BCAS1: variants seen among roughly 807,000 people sequenced by gnomAD.
BCAS1 encodes the protein brain enriched myelin associated protein 1.
In BCAS1, 46 loss-of-function variants were observed where a neutral mutation model predicts 65.4. The observed-to-expected ratio is 0.70, with a 90% CI of 0.55 to 0.90. The LOEUF (loss-of-function observed/expected upper bound fraction) is 0.90. BCAS1 is among the 40% of genes least tolerant of loss of function. The pLI is 0.00. For missense variants in BCAS1, 793 were observed against 771.2 expected, an observed-to-expected ratio of 1.03 and a Z score of -0.33; for synonymous variants, 298 against 293.5, an observed-to-expected ratio of 1.02 and a Z score of -0.16.
intron 4 of BCAS1, among the ~76,000 whole-genome samples, chr20:54,018,829 C>T (rs552332586): frequency 3.3e-5 from 5 of 152,240 alleles, no homozygotes; most frequent in Admixed American, 6.5e-5. Context: ...AGTGTTATGA[C>T]GAAGGACAAC....
At chr20:53,985,561 A>G in intron 7 of BCAS1, 62 bp from the exon 8 acceptor site, 1 of 1,463,350 alleles carries the variant, frequency 6.8e-7, no homozygotes, top group Non-Finnish European at 9.5e-7. Flanking sequence ...TTAAAAATGG[A>G]AGATCTCTTT....
intron 4 of BCAS1, among the ~76,000 whole-genome samples, chr20:54,013,930 C>T (rs1015542442): frequency 3.9e-5 from 6 of 152,214 alleles, no homozygotes; most frequent in African/African-American, 1.4e-4. Context: ...ATTAAAAATA[C>T]AAACAGCAAT....
chr20:53,992,512 CT>C lies in BCAS1; in HGVS notation c.1061del (p.Lys354ArgfsTer44), dbSNP rs765699851. 7.3e-7 allele frequency: 1 copy of C among 1,365,722 alleles called. No individual in the cohort carries two copies. Among genetic ancestry groups the C allele is most frequent in the Non-Finnish European group, 9.8e-7 (1 of 1,021,710 alleles). 84.6% of individuals were successfully genotyped at this position (1,365,722 alleles called of 1,614,324 possible). A position where few individuals can be genotyped will look rare whatever the true frequency, so the allele number is the denominator to read the frequency against. ...GLAFRKFFRH[K>X]GAEKSPTTSA... The stretch of plus-strand genomic sequence containing the variant: ...CCTCCTACTTTAATAAGATACAGAC[CT>C]TATGCCTAAAGAATTTTCTAAAGGC... On this transcript the variant is annotated frameshift_variant and splice_region_variant, in exon 7 of 13. Coordinates refer to ENST00000688948, the MANE Select transcript of BCAS1 (RefSeq NM_001366298.2). LOFTEE classifies it high-confidence loss of function.
At chr20:54,037,546 A>G (rs1226631649) in intron 3 of BCAS1, among the ~76,000 whole-genome samples, 1 of 151,516 alleles carries the variant, frequency 6.6e-6, no homozygotes, top group Admixed American at 6.6e-5. Context: ...AACAAGAGGC[A>G]TTTTATTTAT....
intron 10 of BCAS1, 106 bp from the exon 11 acceptor site, chr20:53,957,603 G>A: frequency 9.2e-7 from 1 of 1,083,944 alleles, no homozygotes; most frequent in East Asian, 2.4e-5. Context: ...TTGAGGTTTG[G>A]GGTCAAGACA....
At chr20:53,972,660 T>G (rs2090210394) in intron 9 of BCAS1, among the ~76,000 whole-genome samples, 1 of 152,202 alleles carries the variant, frequency 6.6e-6, no homozygotes, top group Admixed American at 6.5e-5. Flanking sequence ...TTCAAGAATG[T>G]AAAAATCATT....
At chr20:54,051,114 G>C (rs1046040985) in intron 3 of BCAS1, among the ~76,000 whole-genome samples, 4 of 152,102 alleles carry the variant, frequency 2.6e-5, no homozygotes, top group Admixed American at 2.6e-4. Context: ...TATTAATAGG[G>C]GTTGTGGCAC....
chr20:53,978,093 T>C (rs1374320563), intron 8 of BCAS1, among the ~76,000 whole-genome samples: 1 of 133,316 alleles, frequency 7.5e-6, no homozygotes, highest in Non-Finnish European at 1.5e-5. Context: ...CCTGTGTCCA[T>C]GTGTTCTCAT....
intron 3 of BCAS1, among the ~76,000 whole-genome samples, chr20:54,030,416 T>C (rs2091773087): frequency 6.6e-6 from 1 of 152,222 alleles, no homozygotes; most frequent in South Asian, 2.1e-4. Flanking sequence ...GCTTAGTAAT[T>C]GACAGATACT....
At chr20:54,052,596 T>C (rs1418647744) in intron 3 of BCAS1, among the ~76,000 whole-genome samples, 1 of 152,202 alleles carries the variant, frequency 6.6e-6, no homozygotes, top group Non-Finnish European at 1.5e-5. Flanking sequence ...AATGGAATTA[T>C]AGACTTTATA....
intron 10 of BCAS1, among the ~76,000 whole-genome samples, chr20:53,962,933 C>T (rs1423476197): frequency 6.6e-6 from 1 of 152,090 alleles, no homozygotes; most frequent in African/African-American, 2.4e-5. Context: ...TCACTGCAAG[C>T]TCTGCCTCCC....
At chr20:53,994,623 C>T (rs1288730904) in intron 6 of BCAS1, among the ~76,000 whole-genome samples, 1 of 152,092 alleles carries the variant, frequency 6.6e-6, no homozygotes, top group Non-Finnish European at 1.5e-5. Context: ...TACTGAAAAG[C>T]TTTCTTCTAC....
chr20:54,048,084 C>A (rs569543203), intron 3 of BCAS1, among the ~76,000 whole-genome samples: 1 of 152,090 alleles, frequency 6.6e-6, no homozygotes, highest in Admixed American at 6.5e-5. Flanking sequence ...TATTCCCCTA[C>A]CTCATGAGGA....
chr20:54,029,124 T>C (rs1568896993), intron 3 of BCAS1, 152 bp from the exon 4 acceptor site: 1 of 1,433,712 alleles, frequency 7.0e-7, no homozygotes, highest in Non-Finnish European at 9.1e-7. Flanking sequence ...GTTAGCTCTC[T>C]ACATCTCCTT....
At chr20:53,967,522 A>G (rs2090066462) in intron 9 of BCAS1, among the ~76,000 whole-genome samples, 1 of 152,250 alleles carries the variant, frequency 6.6e-6, no homozygotes, top group African/African-American at 2.4e-5. Context: ...CTGCAACTAT[A>G]AAGAAACTGT....
At chr20:53,992,681 T>C in intron 6 of BCAS1, 35 bp from the exon 7 acceptor site, 3 of 1,362,750 alleles carry the variant, frequency 2.2e-6, no homozygotes, top group African/African-American at 1.5e-5. Context: ...CTCAGAACTT[T>C]GTTTTTGAAC....
At chr20:54,056,014 A>G (rs2146311769) in intron 3 of BCAS1, among the ~76,000 whole-genome samples, 1 of 152,306 alleles carries the variant, frequency 6.6e-6, no homozygotes, top group South Asian at 2.1e-4. Context: ...CAGAGAGTAA[A>G]ATGGTGATTA....
At chr20:53,972,954 G>A (rs1056420062) in intron 9 of BCAS1, among the ~76,000 whole-genome samples, 1 of 152,220 alleles carries the variant, frequency 6.6e-6, no homozygotes. Context: ...GATGCTGGGA[G>A]TGGTGGCTCA....
intron 3 of BCAS1, among the ~76,000 whole-genome samples, chr20:54,052,157 CA>C (rs1374339478): frequency 8.5e-5 from 13 of 152,184 alleles, no homozygotes; most frequent in Middle Eastern, 3.2e-3. Context: ...TAGCACAATT[CA>C]GTGCATTTTG....
Sources: gnomAD v4.1 joint callset for allele counts (sites outside exome capture counted in the v4.1 genomes callset) on GRCh38, gnomAD v4.1.1 for gene constraint, MANE v1.5 for transcripts, NCBI Gene and HGNC (gene_info 2026-07-23, HGNC 2026-07-21) for gene names.